Variants in TCF20 observed in about 807,000 individuals in gnomAD.
TCF20 encodes SPRE-binding protein.
A neutral mutation model predicts 148.6 loss-of-function variants in TCF20; 3 were observed. The ratio of observed to expected loss-of-function variants is 0.02; its 90% CI spans 0.01 to 0.05. The LOEUF (loss-of-function observed/expected upper bound fraction) is 0.05, where lower values mean the gene tolerates loss of function less well. Ranked by LOEUF, TCF20 falls within the 10% of genes least tolerant of loss-of-function variation. The pLI is 1.00. For synonymous variants in TCF20, 1,049 were observed against 909.5 expected (o/e 1.15, Z -2.76); for missense variants, 2,350 against 2,429.3 (o/e 0.97, Z 0.69).
At chr22:42,183,776 C>CTTTT (rs58819800) in intron 2 of TCF20, among the ~76,000 whole-genome samples, 1 of 140,166 alleles carries the variant, frequency 7.1e-6, no homozygotes, top group African/African-American at 2.6e-5. Context: ...CTTTTAGGTT[C>CTTTT]TTTTTTTTTT....
At chr22:42,187,497 C>A (rs533024221) in intron 2 of TCF20, among the ~76,000 whole-genome samples, 2 of 152,280 alleles carry the variant, frequency 1.3e-5, no homozygotes, top group East Asian at 1.9e-4. Context: ...TGGTAGCTGG[C>A]CCCAGAAGTG....
At chr22:42,281,213 C>T (rs1480344775) in intron 1 of TCF20, among the ~76,000 whole-genome samples, 1 of 152,200 alleles carries the variant, frequency 6.6e-6, no homozygotes, top group Admixed American at 6.5e-5. Context: ...AAGACCCAAG[C>T]TGGTCTTTAA....
chr22:42,180,978 T>C (rs148429130), intron 2 of TCF20, among the ~76,000 whole-genome samples: 124 of 152,322 alleles, frequency 8.1e-4, no homozygotes, highest in South Asian at 3.9e-3. Context: ...TCAGTAAATG[T>C]TTATCATGTG....
chr22:42,197,177 CATA>C (rs1253899991), intron 2 of TCF20, among the ~76,000 whole-genome samples: 2 of 152,124 alleles, frequency 1.3e-5, no homozygotes, highest in Non-Finnish European at 2.9e-5. Context: ...CTAGGTAGCT[CATA>C]ATATTTGCTT....
intron 2 of TCF20, 142 bp downstream of exon 2, chr22:42,209,509 T>G (rs1048697419): frequency 5.2e-6 from 5 of 963,006 alleles, no homozygotes; most frequent in South Asian, 3.6e-5. Flanking sequence ...CCAAATTACC[T>G]ATTTCATTTT....
At chr22:42,161,385 G>A in intron 5 of TCF20, 27 bp from the exon 6 acceptor site, 1 of 1,613,946 alleles carries the variant, frequency 6.2e-7, no homozygotes, top group Non-Finnish European at 8.5e-7. Context: ...ACACAGTGAA[G>A]GCCAGGAGCC....
At chr22:42,178,877 A>T (rs1936602735) in intron 3 of TCF20, among the ~76,000 whole-genome samples, 1 of 151,976 alleles carries the variant, frequency 6.6e-6, no homozygotes, top group Admixed American at 6.6e-5. Flanking sequence ...TAAACAACCC[A>T]ATTTTACAAT....
At position 42,213,365 on chromosome 22, in the gene TCF20, G is replaced by T; in HGVS notation, c.1941C>A (p.Thr647=). The change falls in exon 2 of 6, where the codon ACC becomes ACA. Residue 647 remains threonine (T), a synonymous_variant. Coordinates refer to ENST00000677622, the MANE Select transcript of TCF20 (RefSeq NM_001378418.1). ...RPPSNGGAKE[T]SHASLPQPEP... Reference sequence around the variant, plus strand: ...CTGGCTGGGGAAGTGATGCATGACTGGTTTCCTTTGCCCCACCATTGCTAG... The same window carrying T: ...CTGGCTGGGGAAGTGATGCATGACTTGTTTCCTTTGCCCCACCATTGCTAG... 1.9e-6 allele frequency: 3 copies of T among 1,614,172 alleles called. No individual in the cohort carries two copies. The highest frequency in any genetic ancestry group is 2.5e-6 in the Non-Finnish European group (3 of 1,180,036).
chr22:42,247,317 G>A (rs964756474), intron 1 of TCF20, among the ~76,000 whole-genome samples: 3 of 151,592 alleles, frequency 2.0e-5, no homozygotes, highest in East Asian at 2.0e-4. Context: ...GCAGGCGCCT[G>A]TAATCCCAGC....
rs545060423 is a variant in TCF20 at position 42,262,533 on chromosome 22, G to C, written c.-37+7806C>G. Among the ~76,000 whole-genome samples the C allele has an allele frequency of 9.8e-4, 149 of 152,248 alleles. 2 individuals carry two copies. The South Asian group carries it at 0.017, about 17-fold the overall frequency. ...AGTGAGATGGTCAAGCCGCTGTGTC[G>C]AGCAGGAGTTGAAGGCGCTAGAAGA... On this transcript the variant is annotated intron_variant, in intron 1 of 5. Coordinates refer to ENST00000677622, the MANE Select transcript of TCF20 (RefSeq NM_001378418.1).
chr22:42,284,649 G>A (rs116897926), upstream of TCF20, among the ~76,000 whole-genome samples: 2,756 of 152,296 alleles, frequency 0.018, 40 homozygotes, highest in South Asian at 0.031. Flanking sequence ...GGCTTGGAAA[G>A]GGCAGGGCAT....
At chr22:42,239,714 G>C (rs967705482) in intron 1 of TCF20, among the ~76,000 whole-genome samples, 3 of 152,166 alleles carry the variant, frequency 2.0e-5, no homozygotes, top group Admixed American at 2.0e-4. Flanking sequence ...TAGAACCCAG[G>C]AGGTGGAGGT....
chr22:42,236,161 G>C (rs1196215063), intron 1 of TCF20, among the ~76,000 whole-genome samples: 3 of 152,126 alleles, frequency 2.0e-5, no homozygotes, highest in Non-Finnish European at 4.4e-5. Flanking sequence ...CTGGGTGACA[G>C]TGAGATTCCA....
At chr22:42,175,041 CA>C (rs943343065) in intron 3 of TCF20, among the ~76,000 whole-genome samples, 109 of 136,954 alleles carry the variant, frequency 8.0e-4, no homozygotes, top group Admixed American at 1.4e-3. Context: ...TCTCAAAAAA[CA>C]AAAAAAAAAA....
intron 1 of TCF20, among the ~76,000 whole-genome samples, chr22:42,250,851 G>A (rs1202609974): frequency 6.6e-6 from 1 of 152,190 alleles, no homozygotes; most frequent in Non-Finnish European, 1.5e-5. Flanking sequence ...AAGGCCTCAG[G>A]AAGCTTCCAA....
At chr22:42,164,514 T>C (rs1935664548) in intron 5 of TCF20, among the ~76,000 whole-genome samples, 1 of 152,220 alleles carries the variant, frequency 6.6e-6, no homozygotes, top group African/African-American at 2.4e-5. Context: ...TTAGCCACTG[T>C]GCCCGGCCTG....
chr22:42,161,701 G>C (rs1396492398), intron 5 of TCF20, among the ~76,000 whole-genome samples: 2 of 152,210 alleles, frequency 1.3e-5, no homozygotes, highest in African/African-American at 4.8e-5. Flanking sequence ...GCAGCTGGTG[G>C]GGTTTTGCCA....
chr22:42,168,264 G>GA (rs1273819746), intron 5 of TCF20, among the ~76,000 whole-genome samples: 1 of 152,162 alleles, frequency 6.6e-6, no homozygotes, highest in East Asian at 1.9e-4. Context: ...TGAGACGGGG[G>GA]AAAGAGCAGG....
rs1157600098 is a variant in TCF20 at position 42,211,183 on chromosome 22, C to G, written c.4123G>C (p.Ala1375Pro). Residue 1375 changes from alanine to proline, a missense_variant, in exon 2 of 6, where the codon GCT becomes CCT. Ala to Pro is a conservative substitution (Grantham distance 27, BLOSUM62 -1). Transcript: ENST00000677622. ...RRSASSNSAE[A>P]GGDTVTLDDI... ...TCAAGCGTAACCGTGTCTCCCCCAG[C>G]CTCCGCACTGTTCGAAGATGCGCTC... 6 of 1,614,184 alleles carry G rather than the reference C, an allele frequency of 3.7e-6. No individual in the cohort carries two copies. Among genetic ancestry groups the G allele is most frequent in the Non-Finnish European group, 5.1e-6 (6 of 1,180,036 alleles).
Sources: gnomAD v4.1 joint callset for allele counts (sites outside exome capture counted in the v4.1 genomes callset) on GRCh38, gnomAD v4.1.1 for gene constraint, MANE v1.5 for transcripts, NCBI Gene and HGNC (gene_info 2026-07-23, HGNC 2026-07-21) for gene names.